The following ACP7 variants were observed in gnomAD, a reference collection of about 807,000 sequenced individuals.
ACP7 encodes the protein acid phosphatase type 7.
ACP7 carries 58 observed loss-of-function variants against 60.6 expected under a neutral mutation model. The ratio of observed to expected loss-of-function variants is 0.96; its 90% confidence interval spans 0.77 to 1.19. ACP7 has a LOEUF of 1.19. Among genes scored for constraint, ACP7 ranks in the 50% most tolerant of loss-of-function variants. The pLI, the probability that ACP7 is intolerant of heterozygous loss-of-function variation, is 0.00. For missense variants in ACP7, 574 were observed against 596.2 expected (o/e 0.96, Z 0.39); for synonymous variants, 237 against 232.6 (o/e 1.02, Z -0.17).
chr19:39,101,701 G>C (rs1443956449), intron 11 of ACP7, among the ~76,000 whole-genome samples, 164 bp downstream of exon 11: 1 of 152,140 alleles, frequency 6.6e-6, no homozygotes, highest in African/African-American at 2.4e-5. Context: ...ACGGATGTAG[G>C]AACAGAGGCA....
intron 11 of ACP7, among the ~76,000 whole-genome samples, chr19:39,104,800 G>A (rs372465413): frequency 4.0e-5 from 6 of 151,852 alleles, no homozygotes; most frequent in Admixed American, 2.0e-4. Context: ...CAGGAGAATC[G>A]CTTGAACCCA....
intron 11 of ACP7, among the ~76,000 whole-genome samples, chr19:39,102,154 AC>A (rs1213020370): frequency 6.6e-6 from 1 of 151,030 alleles, no homozygotes; most frequent in Non-Finnish European, 1.5e-5. Context: ...ACACACACAC[AC>A]ACAAAAGATA....
chr19:39,109,726 A>AGTGGAT (rs1239890143), intron 12 of ACP7, among the ~76,000 whole-genome samples: 1 of 148,172 alleles, frequency 6.7e-6, no homozygotes, highest in African/African-American at 2.5e-5. Context: ...AGAGAGAAAG[A>AGTGGAT]GTGGATGTGC....
rs527865737 is a variant in ACP7, at chr19:39,110,634, C to T, written c.*516C>T. 1 of 155,946 alleles carries T rather than the reference C, an allele frequency of 6.4e-6. No homozygotes were observed. Among genetic ancestry groups the T allele is most frequent in the Non-Finnish European group, 1.4e-5 (1 of 70,272 alleles). 9.7% of individuals were successfully genotyped at this position (155,946 alleles called of 1,614,324 possible). On this transcript the variant is annotated 3_prime_UTR_variant, in exon 13 of 13. Transcript: ENST00000331256. ...GAAGCCTGGCTCCTTCTTCACTGCT[C>T]CAGGACTGCTATGAAGAGTCCCTTC...
In ACP7 at chr19:39,103,441, G is replaced by GTTTTTTTT. The variant is rs58293250; in HGVS notation, c.1113+1922_1113+1929dup. On this transcript the variant is annotated intron_variant, in intron 11 of 12. Coordinates refer to ENST00000331256, the MANE Select transcript of ACP7 (RefSeq NM_001004318.3). ...TCAAAACATTCCAGGATCATCATGT[G>GTTTTTTTT]TTTTTTTTTTTTTTTTTTTTTTTTT... is the stretch of plus-strand genomic sequence containing the variant. Among the ~76,000 whole-genome samples the GTTTTTTTT allele has an allele frequency of 1.6e-3, 106 of 64,708 alleles. 8 individuals are homozygous for GTTTTTTTT. The highest frequency in any genetic ancestry group is 6.3e-3 in the African/African-American group (94 of 14,848). 42.5% of individuals were successfully genotyped at this position (64,708 alleles called of 152,430 possible). A position where few individuals can be genotyped will look rare whatever the true frequency, so the allele number is the denominator to read the frequency against.
At chr19:39,097,103 G>A (rs749341315) in intron 2 of ACP7, among the ~76,000 whole-genome samples, 32 of 152,126 alleles carry the variant, frequency 2.1e-4, no homozygotes, top group Non-Finnish European at 3.2e-4. Flanking sequence ...CCTGGCTAGT[G>A]AAAAGCATTT....
intron 11 of ACP7, among the ~76,000 whole-genome samples, chr19:39,102,795 T>C (rs12984434): frequency 0.33 from 25,362 of 75,920 alleles, 3,100 homozygotes; most frequent in East Asian, 0.53. Flanking sequence ...CTCTCTCTCT[T>C]TCTTTCTTTC....
intron 2 of ACP7, among the ~76,000 whole-genome samples, chr19:39,085,671 T>G: frequency 6.6e-6 from 1 of 152,194 alleles, no homozygotes; most frequent in Non-Finnish European, 1.5e-5. Context: ...TTCCGGGACC[T>G]GGCACGTTTG....
chr19:39,087,823 G>A (rs1344270538), intron 2 of ACP7, among the ~76,000 whole-genome samples: 2 of 151,714 alleles, frequency 1.3e-5, no homozygotes, highest in East Asian at 1.9e-4. Flanking sequence ...TAGTAGAGAC[G>A]GGGTTTCACC....
intron 4 of ACP7, among the ~76,000 whole-genome samples, chr19:39,099,957 C>A (rs1390331100): frequency 2.3e-5 from 3 of 131,556 alleles, no homozygotes; most frequent in Non-Finnish European, 3.1e-5. Context: ...GGCACCACTG[C>A]AGTCCAGCCT....
At chr19:39,097,389 C>A (rs1451277896) in intron 2 of ACP7, among the ~76,000 whole-genome samples, 3 of 140,562 alleles carry the variant, frequency 2.1e-5, no homozygotes, top group South Asian at 2.3e-4. Context: ...GGCAACAGGG[C>A]AAGACTCCTC....
At chr19:39,099,427 T>C (rs2073313877) in intron 4 of ACP7, among the ~76,000 whole-genome samples, 1 of 152,214 alleles carries the variant, frequency 6.6e-6, no homozygotes, top group Admixed American at 6.5e-5. Context: ...GGTTCCGAGT[T>C]CGCAGGACTG....
chr19:39,102,751 CTTTCTTTCTT>C (rs2073365863), intron 11 of ACP7, among the ~76,000 whole-genome samples: 5 of 84,570 alleles, frequency 5.9e-5, no homozygotes, highest in Non-Finnish European at 1.0e-4. Context: ...TTCTTTCTTT[CTTTCTTTCTT>C]TCTTTCTCTC....
intron 2 of ACP7, among the ~76,000 whole-genome samples, chr19:39,087,232 G>A (rs2073153018): frequency 6.6e-6 from 1 of 152,126 alleles, no homozygotes; most frequent in African/African-American, 2.4e-5. Flanking sequence ...GGCTGGTCTT[G>A]AATTCCTAAG....
At chr19:39,099,653 A>G (rs1231393515) in intron 4 of ACP7, among the ~76,000 whole-genome samples, 1 of 151,914 alleles carries the variant, frequency 6.6e-6, no homozygotes, top group Non-Finnish European at 1.5e-5. Flanking sequence ...CAGCTGTGTG[A>G]CCTGGGGCCT....
At chr19:39,093,027 C>T (rs1372649106) in intron 2 of ACP7, among the ~76,000 whole-genome samples, 2 of 152,050 alleles carry the variant, frequency 1.3e-5, no homozygotes, top group African/African-American at 4.8e-5. Context: ...ATCCACCTGC[C>T]TTGGCCTCCC....
chr19:39,105,164 C>T (rs543209456), intron 11 of ACP7, among the ~76,000 whole-genome samples: 5 of 151,574 alleles, frequency 3.3e-5, no homozygotes, highest in South Asian at 2.1e-4. Context: ...TACAGGCTTA[C>T]GTCACCACGC....
intron 2 of ACP7, among the ~76,000 whole-genome samples, chr19:39,088,699 C>T (rs2073170823): frequency 6.6e-6 from 1 of 151,782 alleles, no homozygotes. Context: ...TGCCGGCAGG[C>T]TAGCTCAGAA....
At position 39,099,136 on chromosome 19, in the gene ACP7, C is replaced by T; in HGVS notation, c.499C>T (p.His167Tyr). Residue 167 changes from histidine (H) to tyrosine (Y), a missense_variant, in exon 4 of 13, where the codon CAT (histidine) becomes TAT (tyrosine). By Grantham distance (83) the His-to-Tyr change is moderately conservative. Coordinates refer to ENST00000331256, the MANE Select transcript of ACP7 (RefSeq NM_001004318.3). ...GCAGGGCATGTATGACGCCGTTCTC[C>T]ATGTGGGTGAGGCATCCGCAGGGGC... ...TQQGMYDAVL[H>Y]VGDFAYNLDQ... 1 of 1,531,684 alleles carries T rather than the reference C, an allele frequency of 6.5e-7. No individual in the cohort carries two copies. Among genetic ancestry groups the T allele is most frequent in the Non-Finnish European group, 8.7e-7 (1 of 1,144,054 alleles). 94.9% of individuals were successfully genotyped at this position (1,531,684 alleles called of 1,614,324 possible).
Sources: allele counts gnomAD v4.1 joint callset (sites outside exome capture counted in the v4.1 genomes callset), GRCh38; gene constraint gnomAD v4.1.1; transcripts MANE v1.5; gene names NCBI Gene and HGNC (gene_info 2026-07-23, HGNC 2026-07-21).